The following SEMA5B variants were observed in gnomAD, a reference collection of about 807,000 sequenced individuals.
The protein encoded by SEMA5B is semaphorin-5B.
A neutral mutation model predicts 135.0 loss-of-function variants in SEMA5B; 66 were observed. The ratio of observed to expected loss-of-function variants is 0.49; its 90% CI spans 0.40 to 0.60. The LOEUF (loss-of-function observed/expected upper bound fraction) is 0.60, where lower values mean the gene tolerates loss of function less well. Among genes scored for constraint, SEMA5B ranks in the 20% least tolerant of loss-of-function variants. The pLI, the probability that SEMA5B is intolerant of heterozygous loss-of-function variation, is 0.00. For synonymous variants in SEMA5B, 690 were observed against 639.5 expected (o/e 1.08, Z -1.19); for missense variants, 1,501 against 1,566.3 (o/e 0.96, Z 0.70).
rs191352290 is a variant in SEMA5B, at chr3:122,972,998, C to T, written c.-38-11697G>A. The stretch of plus-strand genomic sequence containing the variant: ...TCCCCAGCCACTGGGAGCTGGGAGC[C>T]TGGAAACTGTGGGAGAACCCCTACA... On this transcript the variant is annotated intron_variant, in intron 1 of 22. Transcript: ENST00000357599. Among the ~76,000 whole-genome samples, 10 of 152,300 alleles carry T rather than the reference C, an allele frequency of 6.6e-5. No individual in the cohort carries two copies. The East Asian group carries it at 1.5e-3, about 24-fold the overall frequency.
chr3:122,984,935 C>T (rs949187254), intron 1 of SEMA5B, among the ~76,000 whole-genome samples: 5 of 152,066 alleles, frequency 3.3e-5, no homozygotes, highest in Non-Finnish European at 5.9e-5. Flanking sequence ...TTGAAATACA[C>T]GATTTCAAAT....
intron 1 of SEMA5B, among the ~76,000 whole-genome samples, chr3:122,974,271 A>G (rs1281134931): frequency 6.6e-6 from 1 of 152,150 alleles, no homozygotes; most frequent in Non-Finnish European, 1.5e-5. Context: ...CCCTACTCCC[A>G]TTGCCAGGTG....
chr3:122,913,618 G>T lies in SEMA5B; in HGVS notation c.2196C>A (p.Ser732Arg). ...CCCCTCCACAGTTGCTGCTGCACTT[G>T]CTCCAGGAGCCCCAGGAAGCCCAGA... ...PIFWASWGSW[S>R]KCSSNCGGGM... is the part of the protein sequence containing the mutation. Residue 732 changes from serine (S) to arginine (R), a missense_variant, in exon 16 of 23, where the codon AGC (serine) becomes AGA (arginine). Physicochemically the swap from Ser to Arg is moderately radical, Grantham distance 110. This residue lies in a region of SEMA5B where 927 missense variants were observed against 881.6 expected (regional missense o/e 1.05). Coordinates refer to ENST00000357599, the MANE Select transcript of SEMA5B (RefSeq NM_001031702.4). The T allele has an allele frequency of 6.2e-7, 1 of 1,613,532 alleles. No individual in the cohort carries two copies. The highest frequency in any genetic ancestry group is 8.5e-7 in the Non-Finnish European group (1 of 1,179,970).
chr3:122,966,557 A>ATTTTTTTTTTTTTTT (rs1414027791), intron 1 of SEMA5B, among the ~76,000 whole-genome samples: 2 of 139,440 alleles, frequency 1.4e-5, no homozygotes, highest in Middle Eastern at 3.5e-3. Flanking sequence ...TATTATTATT[A>ATTTTTTTTTTTTTTT]TTATTATTAT....
intron 1 of SEMA5B, among the ~76,000 whole-genome samples, chr3:122,973,815 A>G (rs571869152): frequency 1.3e-5 from 2 of 152,248 alleles, no homozygotes; most frequent in Admixed American, 6.5e-5. Flanking sequence ...GGAGTGGGGA[A>G]GGGCAGAGAG....
Position 122,914,002 on chromosome 3 carries a change from C to T in SEMA5B, c.1989-1G>A. On this transcript the variant is annotated splice_acceptor_variant, in intron 14 of 22. Transcript: ENST00000357599. LOFTEE classifies it high-confidence loss of function. The stretch of plus-strand genomic sequence containing the variant: ...TGACCACGGGGTCCACGCCCCATTC[C>T]TGGCGGGGTGGGAGGGGACAGAGAC... The T allele has an allele frequency of 6.3e-7, 1 of 1,582,150 alleles. No individual in the cohort carries two copies. The highest frequency in any genetic ancestry group is 8.6e-7 in the Non-Finnish European group (1 of 1,162,444).
intron 1 of SEMA5B, among the ~76,000 whole-genome samples, chr3:122,984,867 G>A (rs1040190394): frequency 6.6e-6 from 1 of 152,108 alleles, no homozygotes; most frequent in African/African-American, 2.4e-5. Context: ...AAATGTAAAG[G>A]CCCAGAAAAA....
intron 1 of SEMA5B, among the ~76,000 whole-genome samples, chr3:123,021,986 T>C (rs1301080062): frequency 6.6e-6 from 1 of 151,910 alleles, no homozygotes; most frequent in African/African-American, 2.4e-5. Flanking sequence ...CTGGAAACTA[T>C]CCTGAGACTC....
intron 5 of SEMA5B, among the ~76,000 whole-genome samples, chr3:122,930,848 A>G (rs1938932880): frequency 6.6e-6 from 1 of 152,220 alleles, no homozygotes; most frequent in Non-Finnish European, 1.5e-5. Context: ...GCCCAAGGTC[A>G]CACAGCTAGT....
At chr3:122,976,442 G>A (rs1235751945) in intron 1 of SEMA5B, among the ~76,000 whole-genome samples, 1 of 152,152 alleles carries the variant, frequency 6.6e-6, no homozygotes, top group Admixed American at 6.5e-5. Flanking sequence ...CACTTGGGTG[G>A]CTTTGAAAAA....
intron 5 of SEMA5B, among the ~76,000 whole-genome samples, chr3:122,931,920 T>A (rs957859091): frequency 1.3e-5 from 2 of 152,178 alleles, no homozygotes; most frequent in Admixed American, 6.5e-5. Context: ...TGTTGTCTGG[T>A]CAGAACACCA....
chr3:122,977,670 G>A (rs1941378778), intron 1 of SEMA5B, among the ~76,000 whole-genome samples: 3 of 152,128 alleles, frequency 2.0e-5, no homozygotes, highest in Admixed American at 1.3e-4. Flanking sequence ...CAAATATCTG[G>A]GCACAGTGGC....
chr3:122,966,806 CCT>C (rs2107628219), intron 1 of SEMA5B, among the ~76,000 whole-genome samples: 1 of 150,102 alleles, frequency 6.7e-6, no homozygotes, highest in Admixed American at 6.6e-5. Context: ...GATCTGCCCG[CCT>C]CGGCCTCCCA....
At chr3:122,960,941 G>GGTT (rs1940545756) in intron 2 of SEMA5B, among the ~76,000 whole-genome samples, 199 bp downstream of exon 2, 2 of 152,174 alleles carry the variant, frequency 1.3e-5, no homozygotes, top group East Asian at 1.9e-4. Flanking sequence ...CTGAACCGTG[G>GGTT]ACTTAAAAAG....
chr3:123,000,492 C>G (rs1942141103), intron 1 of SEMA5B, among the ~76,000 whole-genome samples: 1 of 152,152 alleles, frequency 6.6e-6, no homozygotes, highest in Non-Finnish European at 1.5e-5. Flanking sequence ...AAATGCCTCT[C>G]TGGCATTTGG....
intron 1 of SEMA5B, among the ~76,000 whole-genome samples, chr3:122,961,776 G>A (rs1467903176): frequency 1.3e-5 from 2 of 152,044 alleles, no homozygotes; most frequent in Non-Finnish European, 2.9e-5. Flanking sequence ...CACCACACCA[G>A]GCCTCAAACA....
intron 1 of SEMA5B, among the ~76,000 whole-genome samples, chr3:123,023,633 C>G (rs2107841141): frequency 6.6e-6 from 1 of 152,280 alleles, no homozygotes; most frequent in South Asian, 2.1e-4. Context: ...TCCTAGCCCT[C>G]TCACCCTCCC....
intron 1 of SEMA5B, among the ~76,000 whole-genome samples, chr3:123,003,518 CA>C (rs1362081938): frequency 8.5e-5 from 13 of 152,190 alleles, no homozygotes; most frequent in African/African-American, 3.1e-4. Context: ...TCTCCATCCT[CA>C]GGGGGCCTCT....
chr3:122,971,635 T>C (rs1490465269), intron 1 of SEMA5B, among the ~76,000 whole-genome samples: 1 of 152,276 alleles, frequency 6.6e-6, no homozygotes, highest in Non-Finnish European at 1.5e-5. Flanking sequence ...TGAATGAAAG[T>C]GAGTCTCTCC....
Sources: allele counts gnomAD v4.1 joint callset (sites outside exome capture counted in the v4.1 genomes callset), GRCh38; gene constraint gnomAD v4.1.1; regional missense constraint gnomAD v4.1.1; transcripts MANE v1.5; gene names NCBI Gene and HGNC (gene_info 2026-07-23, HGNC 2026-07-21).